The following ANKS1B variants were observed in gnomAD, a reference collection of about 807,000 sequenced individuals.
ANKS1B encodes the protein ankyrin repeat and sterile alpha motif domain-containing protein 1B.
A neutral mutation model predicts 148.3 loss-of-function variants in ANKS1B; 36 were observed. The observed-to-expected ratio is 0.24, with a 90% CI of 0.19 to 0.32. The LOEUF is 0.32. Ranked by LOEUF, ANKS1B falls within the 10% of genes least tolerant of loss-of-function variation. ANKS1B has a pLI of 1.00. For missense variants in ANKS1B, 1,157 were observed against 1,542.6 expected (o/e 0.75, Z 4.19); for synonymous variants, 542 against 560.8 (o/e 0.97, Z 0.47).
At chr12:99,656,124 A>T (rs2098448689) in intron 8 of ANKS1B, among the ~76,000 whole-genome samples, 1 of 152,196 alleles carries the variant, frequency 6.6e-6, no homozygotes, top group African/African-American at 2.4e-5. Flanking sequence ...AGGATTATGA[A>T]TTCTAAGACT....
chr12:98,793,058 T>C (rs1028083337), intron 22 of ANKS1B, among the ~76,000 whole-genome samples: 2 of 152,236 alleles, frequency 1.3e-5, no homozygotes, highest in African/African-American at 4.8e-5. Flanking sequence ...CCATCATTGC[T>C]CTACTAATTT....
At chr12:99,807,453 C>T (rs1182933953) in intron 3 of ANKS1B, among the ~76,000 whole-genome samples, 4 of 151,962 alleles carry the variant, frequency 2.6e-5, no homozygotes, top group Admixed American at 6.6e-5. Flanking sequence ...ACCCTTCAGA[C>T]TATTTGAGCA....
At chr12:99,780,363 C>T (rs2064143069) in intron 5 of ANKS1B, among the ~76,000 whole-genome samples, 1 of 152,124 alleles carries the variant, frequency 6.6e-6, no homozygotes, top group Non-Finnish European at 1.5e-5. Flanking sequence ...GCAAGCTCCG[C>T]TTCCCAGGTT....
At chr12:98,866,651 T>C (rs895544248) in intron 17 of ANKS1B, among the ~76,000 whole-genome samples, 2 of 152,220 alleles carry the variant, frequency 1.3e-5, no homozygotes, top group Admixed American at 6.5e-5. Flanking sequence ...CACTGCTTCC[T>C]CCTCATAAAA....
chr12:99,357,043 C>T (rs1263326038), intron 12 of ANKS1B, among the ~76,000 whole-genome samples: 2 of 151,382 alleles, frequency 1.3e-5, no homozygotes, highest in East Asian at 3.9e-4. Context: ...CTATCAAATG[C>T]CTCCTCGTCA....
At chr12:99,069,189 G>A (rs2045517449) in intron 16 of ANKS1B, among the ~76,000 whole-genome samples, 1 of 152,150 alleles carries the variant, frequency 6.6e-6, no homozygotes, top group Admixed American at 6.6e-5. Flanking sequence ...CTCTGGAGTT[G>A]CTCTAGCTTC....
intron 14 of ANKS1B, among the ~76,000 whole-genome samples, chr12:99,181,522 TG>T (rs2079108918): frequency 6.6e-6 from 1 of 152,198 alleles, no homozygotes; most frequent in Non-Finnish European, 1.5e-5. Flanking sequence ...AAAACCAAGA[TG>T]GCCTTCACAA....
chr12:99,892,446 C>A (rs140524145), intron 1 of ANKS1B, among the ~76,000 whole-genome samples: 1,828 of 152,238 alleles, frequency 0.012, 13 homozygotes, highest in Middle Eastern at 0.02. Context: ...GGAATGAAGA[C>A]AACAGCAACA....
chr12:98,964,614 T>A (rs1035775450), intron 17 of ANKS1B, among the ~76,000 whole-genome samples: 2 of 152,194 alleles, frequency 1.3e-5, no homozygotes, highest in African/African-American at 4.8e-5. Flanking sequence ...AATGGAGTGC[T>A]ATCCAGCCAT....
intron 8 of ANKS1B, among the ~76,000 whole-genome samples, chr12:99,658,132 T>C (rs1346459060): frequency 6.6e-6 from 1 of 152,184 alleles, no homozygotes; most frequent in African/African-American, 2.4e-5. Flanking sequence ...TTCTTTCACC[T>C]TACTTGTCTG....
At chr12:99,315,538 G>A (rs1002095106) in intron 12 of ANKS1B, among the ~76,000 whole-genome samples, 1 of 151,904 alleles carries the variant, frequency 6.6e-6, no homozygotes, top group African/African-American at 2.4e-5. Flanking sequence ...AATCAGAATG[G>A]TAATTATTAT....
chr12:99,746,253 T>G (rs1218208639), intron 8 of ANKS1B, among the ~76,000 whole-genome samples: 1 of 152,184 alleles, frequency 6.6e-6, no homozygotes, highest in Non-Finnish European at 1.5e-5. Context: ...CCATCAATAA[T>G]AACACAGATA....
At chr12:99,931,641 G>A (rs942479751) in intron 1 of ANKS1B, among the ~76,000 whole-genome samples, 1 of 152,060 alleles carries the variant, frequency 6.6e-6, no homozygotes, top group African/African-American at 2.4e-5. Flanking sequence ...GGAAAAGAAT[G>A]TTTTATTTTT....
chr12:99,949,839 A>T (rs1272330651), intron 1 of ANKS1B, among the ~76,000 whole-genome samples: 2 of 151,998 alleles, frequency 1.3e-5, no homozygotes, highest in African/African-American at 4.8e-5. Context: ...GGCTGCTTTC[A>T]CCCTATAATA....
At chr12:98,864,267 A>G (rs1279858124) in intron 17 of ANKS1B, among the ~76,000 whole-genome samples, 1 of 152,086 alleles carries the variant, frequency 6.6e-6, no homozygotes. Flanking sequence ...CACCTCAAAC[A>G]TTTATCATTT....
chr12:98,794,691 T>C (rs1171014065), intron 22 of ANKS1B: 13 of 941,440 alleles, frequency 1.4e-5, no homozygotes, highest in South Asian at 5.1e-5. Context: ...GATAATTCAT[T>C]TGAATTTGAA....
At chr12:99,792,413 C>A (rs1164846011) in intron 4 of ANKS1B, among the ~76,000 whole-genome samples, 2 of 151,788 alleles carry the variant, frequency 1.3e-5, no homozygotes, top group Non-Finnish European at 3.0e-5. Flanking sequence ...TAATCTGATA[C>A]TATACCCCAA....
chr12:99,870,941 C>G (rs12317866), intron 1 of ANKS1B, among the ~76,000 whole-genome samples: 1 of 151,826 alleles, frequency 6.6e-6, no homozygotes, highest in African/African-American at 2.4e-5. Flanking sequence ...AGGTCCTACT[C>G]GTCAATTTTT....
At chr12:99,465,742 A>T (rs1202707182) in intron 10 of ANKS1B, among the ~76,000 whole-genome samples, 1 of 152,262 alleles carries the variant, frequency 6.6e-6, no homozygotes. Context: ...AGAAGAGCTA[A>T]CTATCCTAAA....
Sources: allele counts gnomAD v4.1 joint callset (sites outside exome capture counted in the v4.1 genomes callset), GRCh38; gene constraint gnomAD v4.1.1; transcripts MANE v1.5; gene names NCBI Gene and HGNC (gene_info 2026-07-23, HGNC 2026-07-21).